The following AMER1 variants were observed in gnomAD, a reference collection of about 807,000 sequenced individuals.
AMER1 encodes the protein APC membrane recruitment protein 1.
AMER1 carries 16 observed loss-of-function variants against 53.0 expected under a neutral mutation model. That is an observed-to-expected ratio of 0.30 (90% CI 0.20 to 0.46). AMER1 has a LOEUF of 0.46. Among genes scored for constraint, AMER1 ranks in the 20% least tolerant of loss-of-function variants. The pLI is 1.00. For synonymous variants in AMER1, 354 were observed against 331.9 expected (o/e 1.07, Z -0.73); for missense variants, 947 against 884.9 (o/e 1.07, Z -0.89).
chrX:64,197,088 C>T (rs1445187912), intron 1 of AMER1, among the ~76,000 whole-genome samples: 1 of 112,752 alleles, frequency 8.9e-6, no homozygotes, highest in Non-Finnish European at 1.9e-5. Context: ...AGGACAGACT[C>T]TGCAGATCCC....
chrX:64,205,576 C>G lies in AMER1; in HGVS notation c.-105G>C, dbSNP rs980614309. 8.9e-6 allele frequency: 1 copy of G among 112,877 alleles called. No individual in the cohort carries two copies. Among genetic ancestry groups the G allele is most frequent in the African/African-American group, 3.2e-5 (1 of 31,071 alleles). 9.3% of individuals were successfully genotyped at this position (112,877 alleles called of 1,213,427 possible). ...GGCTGTACGCAACGCTTACCCAGCC[C>G]GGTCAGGTTCCTAGCCCGGTTATTG... is the stretch of plus-strand genomic sequence containing the variant. On this transcript the variant is annotated 5_prime_UTR_variant, in exon 1 of 2. Transcript: ENST00000374869.
chrX:64,204,251 C>T (rs946790149), intron 1 of AMER1, among the ~76,000 whole-genome samples: 1 of 113,562 alleles, frequency 8.8e-6, no homozygotes, highest in African/African-American at 3.2e-5. Context: ...TCTGCCTTGC[C>T]CATGCCCACG....
In AMER1 at chrX:64,188,191, ACTT is replaced by A. The variant is rs757795319; in HGVS notation, c.*1685_*1687del. On this transcript the variant is annotated 3_prime_UTR_variant, in exon 2 of 2. Transcript: ENST00000374869. ...CTCAGGAATGGCAAGAACCCTGTTG[ACTT>A]CTTCTCTCAACAGGCATGGAGATGG... The A allele has an allele frequency of 6.2e-6, 5 of 803,821 alleles. No homozygotes were observed. The highest frequency in any genetic ancestry group is 7.6e-5 in the Admixed American group (1 of 13,143). The allele number at this position is 803,821 out of a possible 1,213,427, so 66.2% of individuals were successfully genotyped here. A position where few individuals can be genotyped will look rare whatever the true frequency, so the allele number is the denominator to read the frequency against.
At chrX:64,198,630 TC>T (rs1032639675) in intron 1 of AMER1, among the ~76,000 whole-genome samples, 1 of 111,700 alleles carries the variant, frequency 9.0e-6, no homozygotes, top group Non-Finnish European at 1.9e-5. Flanking sequence ...CCCAATCCCA[TC>T]CCACCTCTGT....
At position 64,190,649 on chromosome X, in the gene AMER1, G is replaced by A. The variant is rs185526526; in HGVS notation, c.2638C>T (p.Pro880Ser). 119 of 1,210,132 alleles carry A rather than the reference G, an allele frequency of 9.8e-5. No individual in the cohort carries two copies. In the African/African-American group the frequency reaches 1.9e-3, roughly 19 times the overall value. ...GCCATAGCAGCAGGTGGAGGTCGAG[G>A]GTGCAGGCCAGGCAGTCCCAAGTAT... The part of the protein sequence containing the change: ...PRYLGLPGLH[P>S]RPPPAAMALN... Residue 880 changes from proline to serine, a missense_variant, in exon 2 of 2, where the codon CCT (proline) becomes TCT (serine). By Grantham distance (74) the Pro-to-Ser change is moderately conservative. Transcript: ENST00000374869.
In AMER1 at chrX:64,189,796, C is replaced by CCA; in HGVS notation, c.*82_*83insTG. On this transcript the variant is annotated 3_prime_UTR_variant, in exon 2 of 2. Coordinates refer to ENST00000374869, the MANE Select transcript of AMER1 (RefSeq NM_152424.4). ...AGGGTTTTCAAGTTAAACAACAACC[C>CCA]CCACCCCCCCACCCTTCTGCCCAAC... 1 of 123,739 alleles carries CCA rather than the reference C, an allele frequency of 8.1e-6. No individual in the cohort carries two copies. The highest frequency in any genetic ancestry group is 1.4e-5 in the Non-Finnish European group (1 of 72,712). 10.2% of individuals were successfully genotyped at this position (123,739 alleles called of 1,213,427 possible).
chrX:64,188,960 C>T lies in AMER1; in HGVS notation c.*919G>A, dbSNP rs1299629921. The T allele has an allele frequency of 2.5e-6, 2 of 805,802 alleles. No individual in the cohort carries two copies. Among genetic ancestry groups the T allele is most frequent in the African/African-American group, 4.4e-5 (2 of 45,608 alleles). The allele number at this position is 805,802 out of a possible 1,213,427, so 66.4% of individuals were successfully genotyped here. A position where few individuals can be genotyped will look rare whatever the true frequency, so the allele number is the denominator to read the frequency against. On this transcript the variant is annotated 3_prime_UTR_variant, in exon 2 of 2. Coordinates refer to ENST00000374869, the MANE Select transcript of AMER1 (RefSeq NM_152424.4). ...CATCTGCAACTCAGGTAGTCACAAG[C>T]TTAAAAGAAGGAAAAAAAATCCTAT...
Position 64,190,391 on chromosome X carries a change from G to C in AMER1, c.2896C>G (p.Leu966Val), listed in dbSNP as rs2147085024. The change falls in exon 2 of 2, where the codon CTT becomes GTT. Residue 966 changes from leucine to valine, a missense_variant. By Grantham distance (32) the Leu-to-Val change is conservative (BLOSUM62 1). Transcript: ENST00000374869. Reference sequence around the variant, plus strand: ...CAGGCAGGACCTGGCCCCACTGGAAGAGGACAGGGAGCCCAAGCAGGCCAA... The same window carrying C: ...CAGGCAGGACCTGGCCCCACTGGAACAGGACAGGGAGCCCAAGCAGGCCAA... ...YDWPAWAPCP[L>V]PVGPGPAWIS... The C allele has an allele frequency of 3.3e-6, 4 of 1,211,618 alleles. No homozygotes were observed. The highest frequency in any genetic ancestry group is 4.5e-6 in the Non-Finnish European group (4 of 895,278).
At position 64,192,098 on chromosome X, in the gene AMER1, C is replaced by A. The variant is rs760770029; in HGVS notation, c.1189G>T (p.Val397Phe). Reference sequence around the variant, plus strand: ...TCATCATCTTCTTCCTCCTCCTTAACCTCCTCTTCTTCCTCCTCTAATTCC... The same window carrying A: ...TCATCATCTTCTTCCTCCTCCTTAAACTCCTCTTCTTCCTCCTCTAATTCC... ...EVELEEEEEE[V>F]KEEEEDDDLE... is the part of the protein sequence containing the mutation. The change falls in exon 2 of 2, where the codon GTT becomes TTT. Residue 397 changes from valine (V) to phenylalanine (F), a missense_variant. By Grantham distance (50) the Val-to-Phe change is conservative. Coordinates refer to ENST00000374869, the MANE Select transcript of AMER1 (RefSeq NM_152424.4). 1.6e-5 allele frequency: 19 copies of A among 1,209,464 alleles called. No homozygotes were observed. Among genetic ancestry groups the A allele is most frequent in the Non-Finnish European group, 2.1e-5 (19 of 894,671 alleles).
rs2147084072 is a variant in AMER1, at chrX:64,189,992, G to A, written c.3295C>T (p.Pro1099Ser). ...AGGCTGGAAGGCCCATAGTGAGTGGGCTGAGGCTGGGGGTGCTCAGGCCGG... is the reference window on the plus strand; with the variant it reads ...AGGCTGGAAGGCCCATAGTGAGTGGACTGAGGCTGGGGGTGCTCAGGCCGG... ...RVRPEHPQPQ[P>S]THYGPSSLDL... Residue 1099 changes from proline to serine, a missense_variant, in exon 2 of 2, where the codon CCC becomes TCC. Physicochemically the swap from Pro to Ser is moderately conservative, Grantham distance 74. Transcript: ENST00000374869. 1 of 1,207,634 alleles carries A rather than the reference G, an allele frequency of 8.3e-7. No individual in the cohort carries two copies. The highest frequency in any genetic ancestry group is 3.0e-5 in the East Asian group (1 of 33,663).
rs2147085426 is a variant in AMER1, at chrX:64,190,553, C to T, written c.2734G>A (p.Val912Ile). The change falls in exon 2 of 2, where the codon GTC (valine) becomes ATC (isoleucine). Residue 912 changes from valine to isoleucine, a missense_variant. Physicochemically the swap from Val to Ile is conservative, Grantham distance 29. Coordinates refer to ENST00000374869, the MANE Select transcript of AMER1 (RefSeq NM_152424.4). ...TCATCAGACTCGAGGTAGCCCTGGACCAAGTGGGAATTGGAGAGCTCCATC... is the reference window on the plus strand; with the variant it reads ...TCATCAGACTCGAGGTAGCCCTGGATCAAGTGGGAATTGGAGAGCTCCATC... ...LEMELSNSHL[V>I]QGYLESDELQ... The T allele has an allele frequency of 8.3e-7, 1 of 1,211,764 alleles. No individual in the cohort carries two copies. The highest frequency in any genetic ancestry group is 1.1e-6 in the Non-Finnish European group (1 of 895,460).
At chrX:64,197,248 C>T (rs73627873) in intron 1 of AMER1, among the ~76,000 whole-genome samples, 1,650 of 112,923 alleles carry the variant, frequency 0.015, 23 homozygotes, top group African/African-American at 0.05. Flanking sequence ...ACTCTGTGGT[C>T]CCTTGCAGGG....
At position 64,193,156 on chromosome X, in the gene AMER1, G is replaced by A. The variant is rs1930295784; in HGVS notation, c.131C>T (p.Pro44Leu). 1 of 1,210,173 alleles carries A rather than the reference G, an allele frequency of 8.3e-7. No homozygotes were observed. The highest frequency in any genetic ancestry group is 2.2e-5 in the Admixed American group (1 of 45,768). The part of the protein sequence containing the change: ...AEATEGPTSE[P>L]SSSGPGRLKK... ...CAGCCTACCTGGGCCGGATGAGGAT[G>A]GCTCTGAGGTTGGTCCTTCTGTCGC... Residue 44 changes from proline (P) to leucine (L), a missense_variant, in exon 2 of 2, where the codon CCA (proline) becomes CTA (leucine). Transcript: ENST00000374869.
intron 1 of AMER1, among the ~76,000 whole-genome samples, chrX:64,195,309 T>C (rs1167969832): frequency 2.7e-5 from 3 of 112,033 alleles, no homozygotes; most frequent in African/African-American, 6.5e-5. Context: ...AAGGTTATCG[T>C]CACGGTGTTG....
At position 64,190,390 on chromosome X, in the gene AMER1, A is replaced by G. The variant is rs374729339; in HGVS notation, c.2897T>C (p.Leu966Pro). ...CCAGGCAGGACCTGGCCCCACTGGA[A>G]GAGGACAGGGAGCCCAAGCAGGCCA... Reference protein sequence around the residue: ...YDWPAWAPCPLPVGPGPAWIS... With the variant: ...YDWPAWAPCPPPVGPGPAWIS... Residue 966 changes from leucine to proline, a missense_variant, in exon 2 of 2, where the codon CTT becomes CCT. Physicochemically the swap from Leu to Pro is moderately conservative, Grantham distance 98. Transcript: ENST00000374869. 1.3e-5 allele frequency: 16 copies of G among 1,210,355 alleles called. No individual in the cohort carries two copies. Among genetic ancestry groups the G allele is most frequent in the Non-Finnish European group, 1.5e-5 (13 of 895,104 alleles).
rs928446095 is a variant in AMER1 at position 64,191,197 on chromosome X, T to C, written c.2090A>G (p.Asp697Gly). Reference protein sequence around the residue: ...TTASSEPDWRDFRPLEKRYEG... With the variant: ...TTASSEPDWRGFRPLEKRYEG... ...ATAACGCTTCTCCAGAGGACGGAAG[T>C]CCCTCCAGTCTGGCTCGCTGCTTGC... The change falls in exon 2 of 2, where the codon GAC becomes GGC. Residue 697 changes from aspartate to glycine, a missense_variant. By Grantham distance (94) the Asp-to-Gly change is moderately conservative. Coordinates refer to ENST00000374869, the MANE Select transcript of AMER1 (RefSeq NM_152424.4). The C allele has an allele frequency of 5.8e-6, 7 of 1,210,324 alleles. No individual in the cohort carries two copies. Among genetic ancestry groups the C allele is most frequent in the Non-Finnish European group, 7.8e-6 (7 of 895,310 alleles).
chrX:64,190,080 G>A lies in AMER1; in HGVS notation c.3207C>T (p.Pro1069=), dbSNP rs2147084281. ...SCSSSSGGFS[P]SPLPQAKPVG... is the part of the protein sequence containing the mutation. ...CAGGCTTGGCCTGTGGTAGAGGGCT[G>A]GGGCTGAAGCCTCCAGAACTGGAAG... Residue 1069 remains proline (P), a synonymous_variant, in exon 2 of 2, where the codon CCC becomes CCT. Coordinates refer to ENST00000374869, the MANE Select transcript of AMER1 (RefSeq NM_152424.4). 1.7e-6 allele frequency: 2 copies of A among 1,205,088 alleles called. No homozygotes were observed. Among genetic ancestry groups the A allele is most frequent in the Middle Eastern group, 2.3e-4 (1 of 4,332 alleles).
intron 1 of AMER1, among the ~76,000 whole-genome samples, chrX:64,197,380 A>G (rs1431042253): frequency 8.9e-6 from 1 of 112,672 alleles, no homozygotes; most frequent in African/African-American, 3.2e-5. Context: ...GCTGGCTACA[A>G]AGGAAGAGCT....
intron 1 of AMER1, among the ~76,000 whole-genome samples, chrX:64,200,677 G>A (rs1276381379): frequency 2.7e-5 from 3 of 111,293 alleles, no homozygotes; most frequent in Non-Finnish European, 5.7e-5. Context: ...ATAGCAGGGG[G>A]CACTGGATTG....
Sources: allele counts gnomAD v4.1 joint callset (sites outside exome capture counted in the v4.1 genomes callset), GRCh38; gene constraint gnomAD v4.1.1; transcripts MANE v1.5; gene names NCBI Gene and HGNC (gene_info 2026-07-23, HGNC 2026-07-21).